The following RBFOX3 variants were observed in gnomAD, a reference collection of about 807,000 sequenced individuals.
RBFOX3 encodes the protein RNA binding fox-1 homolog 3, also known as RNA binding protein fox-1 homolog 3.
A neutral mutation model predicts 48.7 loss-of-function variants in RBFOX3; 17 were observed. That is an observed-to-expected ratio of 0.35 (90% CI 0.24 to 0.52). RBFOX3 has a LOEUF of 0.52. Ranked by LOEUF, RBFOX3 falls within the 20% of genes least tolerant of loss-of-function variation. The pLI, the probability that RBFOX3 is intolerant of heterozygous loss-of-function variation, is 0.94. For synonymous variants in RBFOX3, 212 were observed against 209.5 expected (o/e 1.01, Z -0.10); for missense variants, 382 against 497.5 (o/e 0.77, Z 2.21).
At position 79,115,736 on chromosome 17, in the gene RBFOX3, C is replaced by T. The variant is rs778779001; in HGVS notation, c.-21G>A. On this transcript the variant is annotated 5_prime_UTR_variant, in exon 5 of 15. Coordinates refer to ENST00000693108, the MANE Select transcript of RBFOX3 (RefSeq NM_001350451.2). ...GCCATCGCTTCAGGCGGAGCCGTGG[C>T]GTCCTGATCGCTCTGTGGAAGGAGA... 126 of 734,078 alleles carry T rather than the reference C, an allele frequency of 1.7e-4. No homozygotes were observed. The highest frequency in any genetic ancestry group is 2.5e-4 in the Non-Finnish European group (107 of 432,186). The allele number at this position is 734,078 out of a possible 1,614,324, so 45.5% of individuals were successfully genotyped here. A position where few individuals can be genotyped will look rare whatever the true frequency, so the allele number is the denominator to read the frequency against.
chr17:79,312,779 C>T (rs759298683), intron 2 of RBFOX3, among the ~76,000 whole-genome samples: 7 of 152,144 alleles, frequency 4.6e-5, no homozygotes, highest in South Asian at 2.1e-4. Context: ...TGCTGCTGCC[C>T]GCAGGTCTTC....
chr17:79,348,827 C>T (rs1299930370), intron 2 of RBFOX3, among the ~76,000 whole-genome samples: 4 of 151,742 alleles, frequency 2.6e-5, no homozygotes, highest in African/African-American at 9.7e-5. Context: ...TGATCCACCT[C>T]GGCCTCCCAA....
At chr17:79,528,236 G>A (rs953627543) in intron 1 of RBFOX3, among the ~76,000 whole-genome samples, 37 of 151,750 alleles carry the variant, frequency 2.4e-4, no homozygotes, top group Admixed American at 1.4e-3. Context: ...CTCTGAGGAG[G>A]ATCTTAGTTG....
intron 1 of RBFOX3, among the ~76,000 whole-genome samples, chr17:79,520,192 T>A (rs1207200117): frequency 6.6e-6 from 1 of 152,168 alleles, no homozygotes; most frequent in Non-Finnish European, 1.5e-5. Context: ...GGAGTGGGGC[T>A]CACCGGGCAA....
chr17:79,114,234 A>G (rs1195239882), intron 5 of RBFOX3, among the ~76,000 whole-genome samples: 6 of 152,166 alleles, frequency 3.9e-5, no homozygotes, highest in African/African-American at 9.7e-5. Context: ...GGTTTGATGA[A>G]TAAGAACCAG....
rs144774263 is a variant in RBFOX3 at position 79,326,522 on chromosome 17, T to C, written c.-174-18698A>G. 1.7e-3 allele frequency among the ~76,000 whole-genome samples: 252 copies of C among 152,262 alleles called. 1 individual carries two copies. Among genetic ancestry groups the C allele is most frequent in the Non-Finnish European group, 1.9e-3 (126 of 68,024 alleles). On this transcript the variant is annotated intron_variant, in intron 2 of 14. Transcript: ENST00000693108. ...CCGTCTATATATTCTTTCACCATAA[T>C]CTTATTCTTACTTTATAGGTGAGAG...
intron 1 of RBFOX3, among the ~76,000 whole-genome samples, chr17:79,572,023 T>G (rs886781895): frequency 4.4e-3 from 666 of 152,318 alleles, no homozygotes; most frequent in Non-Finnish European, 7.5e-3. Context: ...GTGCTAAGTA[T>G]TCTCTCATTT....
intron 2 of RBFOX3, among the ~76,000 whole-genome samples, chr17:79,377,609 C>T (rs2059380151): frequency 6.6e-6 from 1 of 152,202 alleles, no homozygotes; most frequent in Admixed American, 6.5e-5. Context: ...TCCACGGTGA[C>T]AGCCGGAGCA....
chr17:79,090,930 G>C, intron 14 of RBFOX3, 45 bp from the exon 15 acceptor site: 1 of 1,530,714 alleles, frequency 6.5e-7, no homozygotes, highest in Non-Finnish European at 8.8e-7. Context: ...TCTCGGGGGA[G>C]GCACAGCAGG....
chr17:79,124,877 G>A (rs962612263), intron 4 of RBFOX3, among the ~76,000 whole-genome samples: 27 of 152,150 alleles, frequency 1.8e-4, no homozygotes, highest in African/African-American at 5.1e-4. Context: ...GGAGGCTGTC[G>A]TCGGCTGGCT....
At chr17:79,171,853 G>A (rs1380203257) in intron 4 of RBFOX3, among the ~76,000 whole-genome samples, 1 of 152,074 alleles carries the variant, frequency 6.6e-6, no homozygotes, top group African/African-American at 2.4e-5. Context: ...TAAAAAGGGT[G>A]GAGGAGGGGG....
At chr17:79,451,626 C>T (rs1555741725) in intron 2 of RBFOX3, among the ~76,000 whole-genome samples, 1 of 152,232 alleles carries the variant, frequency 6.6e-6, no homozygotes, top group Non-Finnish European at 1.5e-5. Context: ...ACCCTCAATG[C>T]AAGAGGCATC....
At chr17:79,268,583 T>A (rs1191530301) in intron 3 of RBFOX3, among the ~76,000 whole-genome samples, 1 of 152,090 alleles carries the variant, frequency 6.6e-6, no homozygotes, top group Admixed American at 6.5e-5. Flanking sequence ...GCTGATCTTC[T>A]CCTTTGTGAC....
intron 1 of RBFOX3, among the ~76,000 whole-genome samples, chr17:79,573,284 C>T (rs1161760796): frequency 6.6e-6 from 1 of 152,228 alleles, no homozygotes; most frequent in Non-Finnish European, 1.5e-5. Context: ...CCACGGGGAA[C>T]AAAGGCAGAG....
At chr17:79,395,620 C>T (rs1370430976) in intron 2 of RBFOX3, among the ~76,000 whole-genome samples, 2 of 152,186 alleles carry the variant, frequency 1.3e-5, no homozygotes, top group Non-Finnish European at 2.9e-5. Context: ...TAGTGTGTGC[C>T]GGGCACTGAT....
chr17:79,472,664 C>A (rs2077193981), intron 2 of RBFOX3, among the ~76,000 whole-genome samples: 1 of 152,152 alleles, frequency 6.6e-6, no homozygotes, highest in Non-Finnish European at 1.5e-5. Context: ...TTGTGTGAGC[C>A]CCCAGGCTGA....
intron 3 of RBFOX3, among the ~76,000 whole-genome samples, chr17:79,288,781 AC>A (rs144532730): frequency 0.035 from 5,251 of 148,172 alleles, 123 homozygotes; most frequent in Non-Finnish European, 0.047. Flanking sequence ...AAATATAATG[AC>A]CCCCCCAATT....
chr17:79,092,756 C>A (rs2074203733), intron 14 of RBFOX3: 3 of 514,838 alleles, frequency 5.8e-6, no homozygotes, highest in South Asian at 8.4e-5. Context: ...GTCTCGATTT[C>A]TTTCCCCCTA....
At chr17:79,250,954 A>T (rs921676257) in intron 3 of RBFOX3, among the ~76,000 whole-genome samples, 14 of 151,834 alleles carry the variant, frequency 9.2e-5, no homozygotes, top group African/African-American at 3.4e-4. Context: ...GATTACATGT[A>T]CGTGCCACCA....
Sources: allele counts gnomAD v4.1 joint callset (sites outside exome capture counted in the v4.1 genomes callset), GRCh38; gene constraint gnomAD v4.1.1; transcripts MANE v1.5; gene names NCBI Gene and HGNC (gene_info 2026-07-23, HGNC 2026-07-21).